ALMS1: variants seen among roughly 807,000 people sequenced by gnomAD.
ALMS1 encodes the protein centrosome-associated protein ALMS1.
A neutral mutation model predicts 352.2 loss-of-function variants in ALMS1; 271 were observed. The observed-to-expected ratio is 0.77, with a 90% CI of 0.70 to 0.85. The LOEUF is 0.85. Among genes scored for constraint, ALMS1 ranks in the 40% least tolerant of loss-of-function variants. The pLI, the probability that ALMS1 is intolerant of heterozygous loss-of-function variation, is 0.00. For synonymous variants in ALMS1, 1,865 were observed against 1,761.2 expected, an observed-to-expected ratio of 1.06 and a Z score of -1.48; for missense variants, 5,445 against 4,870.7, an observed-to-expected ratio of 1.12 and a Z score of -3.51.
Position 73,454,017 on chromosome 2 carries a change from A to C in ALMS1, c.7490A>C (p.Lys2497Thr). Residue 2497 changes from lysine to threonine, a missense_variant, in exon 8 of 23, where the codon AAA becomes ACA. By Grantham distance (78) the Lys-to-Thr change is moderately conservative. Transcript: ENST00000613296. Reference protein sequence around the residue: ...LQCESSLNHAKEILRNAEEEE... With the variant: ...LQCESSLNHATEILRNAEEEE... ...TGTGAATCCTCACTGAATCATGCTA[A>C]AGAAATACTCAGAAATGCAGAGGAA... 6.2e-7 allele frequency: 1 copy of C among 1,613,650 alleles called. No homozygotes were observed. Among genetic ancestry groups the C allele is most frequent in the Non-Finnish European group, 8.5e-7 (1 of 1,179,820 alleles).
At chr2:73,521,580 CAAA>C (rs565126393) in intron 11 of ALMS1, among the ~76,000 whole-genome samples, 2,593 of 94,884 alleles carry the variant, frequency 0.027, 85 homozygotes, top group African/African-American at 0.082. Context: ...ACTAAAAATA[CAAA>C]AAAAAAAAAA....
chr2:73,538,885 G>C (rs981326251), intron 12 of ALMS1, among the ~76,000 whole-genome samples: 2 of 152,204 alleles, frequency 1.3e-5, no homozygotes, highest in Non-Finnish European at 2.9e-5. Flanking sequence ...AAAGCGGCCG[G>C]GAAGCTCGAA....
chr2:73,409,517 T>G (rs1014949301), intron 2 of ALMS1, among the ~76,000 whole-genome samples: 1 of 152,190 alleles, frequency 6.6e-6, no homozygotes, highest in Admixed American at 6.5e-5. Flanking sequence ...TTAAAACTAT[T>G]TTAAAATTTA....
chr2:73,426,397 A>G (rs2103720022), intron 5 of ALMS1, 56 bp from the exon 6 acceptor site: 1 of 1,564,472 alleles, frequency 6.4e-7, no homozygotes, highest in East Asian at 2.2e-5. Context: ...CGTGTGTGGG[A>G]GCTGAGCCTA....
At chr2:73,523,158 T>C (rs1261076921) in intron 11 of ALMS1, among the ~76,000 whole-genome samples, 1 of 152,220 alleles carries the variant, frequency 6.6e-6, no homozygotes, top group Non-Finnish European at 1.5e-5. Context: ...GTTCAGAGCA[T>C]ATCCCAAATC....
chr2:73,454,096 G>C, intron 8 of ALMS1, 29 bp downstream of exon 8: 1 of 1,579,714 alleles, frequency 6.3e-7, no homozygotes, highest in Non-Finnish European at 8.6e-7. Context: ...GCTTATAAAC[G>C]TTATAGTTTA....
At chr2:73,501,310 A>G (rs1358008946) in intron 10 of ALMS1, among the ~76,000 whole-genome samples, 1 of 151,524 alleles carries the variant, frequency 6.6e-6, no homozygotes, top group Non-Finnish European at 1.5e-5. Context: ...GAAAGCTTTA[A>G]TTTTGATGAA....
In ALMS1 at chr2:73,453,351, A is replaced by G. The variant is rs1057518307; in HGVS notation, c.6824A>G (p.Lys2275Arg). The G allele has an allele frequency of 6.2e-7, 1 of 1,613,892 alleles. No individual in the cohort carries two copies. Among genetic ancestry groups the G allele is most frequent in the African/African-American group, 1.3e-5 (1 of 75,010 alleles). The change falls in exon 8 of 23, where the codon AAA becomes AGA. Residue 2275 changes from lysine (K) to arginine (R), a missense_variant. Physicochemically the swap from Lys to Arg is conservative, Grantham distance 26. Coordinates refer to ENST00000613296, the MANE Select transcript of ALMS1 (RefSeq NM_001378454.1). ...ATGGAGGCAGAAAATATGGCACTGA[A>G]ACGATGCAATTTTCCTGCTCCCCTT... ...LLMEAENMAL[K>R]RCNFPAPLAR...
chr2:73,474,351 CT>C (rs1345320743), intron 9 of ALMS1, among the ~76,000 whole-genome samples: 11 of 142,956 alleles, frequency 7.7e-5, no homozygotes, highest in African/African-American at 2.9e-4. Context: ...TAGATTTTTA[CT>C]TTTTAGTGCT....
rs759021934 is a variant in ALMS1 at position 73,448,106 on chromosome 2, G to T, written c.1579G>T (p.Glu527Ter). 1.2e-6 allele frequency: 2 copies of T among 1,602,088 alleles called. No homozygotes were observed. Among genetic ancestry groups the T allele is most frequent in the Non-Finnish European group, 1.7e-6 (2 of 1,169,990 alleles). ...LSQLAVSSPL[E>*]TTTGQHTDTL... ...TCAGTTGGCTGTAAGTTCTCCTCTA[G>T]AAACTACTACTGGTCAACACACTGA... The change falls in exon 8 of 23, where the codon GAA (glutamate) becomes TAA (stop). Residue 527 changes from glutamate (E) to a stop codon, truncating the protein, a stop_gained. Coordinates refer to ENST00000613296, the MANE Select transcript of ALMS1 (RefSeq NM_001378454.1). LOFTEE classifies it high-confidence loss of function.
intron 3 of ALMS1, among the ~76,000 whole-genome samples, chr2:73,420,448 C>T (rs1671261145): frequency 6.6e-6 from 1 of 151,934 alleles, no homozygotes; most frequent in African/African-American, 2.4e-5. Flanking sequence ...CCAACAAAAC[C>T]GAAAATATTT....
At chr2:73,540,879 C>G (rs1385099117) in intron 12 of ALMS1, among the ~76,000 whole-genome samples, 1 of 152,178 alleles carries the variant, frequency 6.6e-6, no homozygotes, top group Non-Finnish European at 1.5e-5. Context: ...TAAAGCAAGT[C>G]CTTAGAGACC....
chr2:73,553,215 CAGAGTT>C (rs982390514), intron 13 of ALMS1, among the ~76,000 whole-genome samples: 7 of 152,026 alleles, frequency 4.6e-5, no homozygotes, highest in Non-Finnish European at 1.0e-4. Context: ...AAGTGATAAA[CAGAGTT>C]AGAAACCAAA....
intron 19 of ALMS1, 24 bp from the exon 20 acceptor site, chr2:73,602,160 AT>A: frequency 6.2e-7 from 1 of 1,603,606 alleles, no homozygotes; most frequent in South Asian, 1.1e-5. Context: ...GAGGCTGGGC[AT>A]TTTCTCTTTT....
At chr2:73,593,018 A>T (rs1274866876) in intron 16 of ALMS1, among the ~76,000 whole-genome samples, 1 of 152,118 alleles carries the variant, frequency 6.6e-6, no homozygotes, top group African/African-American at 2.4e-5. Flanking sequence ...AATGCCATTT[A>T]ATATATAGTC....
intron 3 of ALMS1, among the ~76,000 whole-genome samples, chr2:73,422,436 C>T (rs973311138): frequency 2.0e-5 from 3 of 151,946 alleles, no homozygotes; most frequent in Admixed American, 6.6e-5. Context: ...TTTGACATAA[C>T]GGGTGTAGTC....
intron 9 of ALMS1, among the ~76,000 whole-genome samples, chr2:73,484,107 C>T (rs1255555808): frequency 6.6e-6 from 1 of 151,622 alleles, no homozygotes; most frequent in South Asian, 2.1e-4. Flanking sequence ...TGAATTTGAT[C>T]CTGTCATTAT....
intron 21 of ALMS1, among the ~76,000 whole-genome samples, chr2:73,606,293 C>T (rs1400420481): frequency 6.6e-6 from 1 of 152,172 alleles, no homozygotes; most frequent in African/African-American, 2.4e-5. Flanking sequence ...ACATTGGGAT[C>T]TTCAGCATTT....
At chr2:73,462,303 A>G (rs1672222270) in intron 9 of ALMS1, among the ~76,000 whole-genome samples, 1 of 152,304 alleles carries the variant, frequency 6.6e-6, no homozygotes, top group South Asian at 2.1e-4. Context: ...GCCAATATTC[A>G]ACATTCTTAA....
Sources: gnomAD v4.1 joint callset for allele counts (sites outside exome capture counted in the v4.1 genomes callset) on GRCh38, gnomAD v4.1.1 for gene constraint, MANE v1.5 for transcripts, NCBI Gene and HGNC (gene_info 2026-07-23, HGNC 2026-07-21) for gene names.